Variants in DNAH12 observed in about 807,000 individuals in gnomAD.
DNAH12 encodes dynein axonemal heavy chain 12, also known as axonemal beta dynein heavy chain 12.
A neutral mutation model predicts 371.5 loss-of-function variants in DNAH12; 285 were observed. The ratio of observed to expected loss-of-function variants is 0.77; its 90% CI spans 0.70 to 0.85. The LOEUF is 0.85. Ranked by LOEUF, DNAH12 falls within the 40% of genes least tolerant of loss-of-function variation. The pLI, the probability that DNAH12 is intolerant of heterozygous loss-of-function variation, is 0.00. For missense variants in DNAH12, 3,611 were observed against 3,689.4 expected (o/e 0.98, Z 0.55); for synonymous variants, 1,200 against 1,213.0 (o/e 0.99, Z 0.22).
chr3:57,334,623 G>T lies in DNAH12; in HGVS notation c.9834-14C>A. ...CAAAAATGTTGCCTAATAGAAAAAA[G>T]CTTAAGAATTATTCTTTTTATTGGG... On this transcript the variant is annotated splice_polypyrimidine_tract_variant and intron_variant, in intron 61 of 73. Coordinates refer to ENST00000495027, the MANE Select transcript of DNAH12 (RefSeq NM_001366028.2). 2 of 1,528,154 alleles carry T rather than the reference G, an allele frequency of 1.3e-6. No homozygotes were observed. The highest frequency in any genetic ancestry group is 2.2e-5 in the Admixed American group (1 of 44,528). The allele number at this position is 1,528,154 out of a possible 1,614,324, so 94.7% of individuals were successfully genotyped here.
At chr3:57,310,441 C>T (rs965442040) in intron 67 of DNAH12, among the ~76,000 whole-genome samples, 1 of 152,124 alleles carries the variant, frequency 6.6e-6, no homozygotes, top group Non-Finnish European at 1.5e-5. Flanking sequence ...TTGGCAGGCC[C>T]CTGGCACTGA....
rs1364270885 is a variant in DNAH12 at position 57,470,459 on chromosome 3, GC to G, written c.2088del (p.Trp696CysfsTer36). ...YQKFFNFVLK[W>X]QRSEKRWMDG... ...AGCAATTACCGTTTTTCTGATCGCT[GC>G]CACTTCAAAACAAAATTAAAAAACT... is the stretch of plus-strand genomic sequence containing the variant. On this transcript the variant is annotated frameshift_variant, in exon 16 of 74. Transcript: ENST00000495027. LOFTEE classifies it high-confidence loss of function. The G allele has an allele frequency of 6.6e-7, 1 of 1,517,174 alleles. No homozygotes were observed. The highest frequency in any genetic ancestry group is 1.4e-5 in the African/African-American group (1 of 71,368). 94.0% of individuals were successfully genotyped at this position (1,517,174 alleles called of 1,614,324 possible).
At chr3:57,547,310 T>C (rs1026312672), upstream of DNAH12, among the ~76,000 whole-genome samples, 7 of 151,764 alleles carry the variant, frequency 4.6e-5, no homozygotes, top group Non-Finnish European at 8.8e-5. Context: ...TACGTCCTTT[T>C]TTTTTTTACT....
intron 66 of DNAH12, among the ~76,000 whole-genome samples, chr3:57,311,374 G>A (rs922549852): frequency 2.6e-5 from 4 of 152,208 alleles, no homozygotes; most frequent in Non-Finnish European, 5.9e-5. Context: ...ACTGCAGCTG[G>A]CTGATAGTAT....
chr3:57,332,452 A>AG (rs2062121064), intron 62 of DNAH12, among the ~76,000 whole-genome samples: 1 of 152,200 alleles, frequency 6.6e-6, no homozygotes, highest in African/African-American at 2.4e-5. Flanking sequence ...ATTTTTGCAC[A>AG]GGGGGCAATA....
intron 2 of DNAH12, among the ~76,000 whole-genome samples, chr3:57,535,939 T>C (rs1388925904): frequency 6.6e-6 from 1 of 151,546 alleles, no homozygotes; most frequent in Non-Finnish European, 1.5e-5. Context: ...CGGGTTCAAG[T>C]GATTCTCCTG....
intron 25 of DNAH12, among the ~76,000 whole-genome samples, chr3:57,449,192 C>T (rs1356876850): frequency 6.6e-6 from 1 of 151,722 alleles, no homozygotes; most frequent in African/African-American, 2.4e-5. Flanking sequence ...TTGAGCTAAA[C>T]ACAGGGTGCT....
chr3:57,471,991 G>A (rs2066382204), intron 14 of DNAH12, among the ~76,000 whole-genome samples: 1 of 152,076 alleles, frequency 6.6e-6, no homozygotes, highest in Non-Finnish European at 1.5e-5. Context: ...TCACGTTCAT[G>A]TTCACAAAAT....
intron 30 of DNAH12, among the ~76,000 whole-genome samples, chr3:57,435,323 G>T (rs1384980818): frequency 7.5e-6 from 1 of 132,524 alleles, no homozygotes; most frequent in Non-Finnish European, 1.5e-5. Flanking sequence ...AGTGAGCCAA[G>T]ATCTTGCCAC....
intron 55 of DNAH12, among the ~76,000 whole-genome samples, chr3:57,372,516 A>T (rs1046844919): frequency 2.0e-4 from 30 of 152,132 alleles, no homozygotes; most frequent in African/African-American, 6.8e-4. Context: ...AAGAGAATGT[A>T]TTATAGAATT....
At chr3:57,390,173 C>T (rs2063585218) in intron 45 of DNAH12, among the ~76,000 whole-genome samples, 1 of 146,886 alleles carries the variant, frequency 6.8e-6, no homozygotes, top group East Asian at 2.2e-4. Flanking sequence ...CACAATGGCT[C>T]GTGCCTATAA....
At chr3:57,302,688 G>C (rs1157578089) in intron 69 of DNAH12, among the ~76,000 whole-genome samples, 1 of 142,078 alleles carries the variant, frequency 7.0e-6, no homozygotes, top group Non-Finnish European at 1.5e-5. Flanking sequence ...CAATTCTCCT[G>C]CCTCAGCCTC....
At chr3:57,378,229 A>C (rs2063321522) in intron 52 of DNAH12, among the ~76,000 whole-genome samples, 1 of 152,060 alleles carries the variant, frequency 6.6e-6, no homozygotes, top group South Asian at 2.1e-4. Context: ...AAAAAGCCTG[A>C]GTGCCTTGGC....
Position 57,301,923 on chromosome 3 carries a change from GTA to G in DNAH12, c.11204_11205del (p.Ile3735ThrfsTer2), listed in dbSNP as rs1559534539. On this transcript the variant is annotated frameshift_variant, in exon 70 of 74. Coordinates refer to ENST00000495027, the MANE Select transcript of DNAH12 (RefSeq NM_001366028.2). LOFTEE classifies it high-confidence loss of function. The stretch of plus-strand genomic sequence containing the variant: ...TTTTCAAGGTCCCGTAGAGTGTTAC[GTA>G]TAGTTATAATTAAACTGCAATGAAA... ...MERFNNLIIT[I>X]RNTLRDLEKA... 1 of 1,551,408 alleles carries G rather than the reference GTA, an allele frequency of 6.4e-7. No homozygotes were observed. Among genetic ancestry groups the G allele is most frequent in the South Asian group, 1.2e-5 (1 of 84,040 alleles).
At chr3:57,544,004 G>T (rs1190118782) in intron 1 of DNAH12, among the ~76,000 whole-genome samples, 193 bp downstream of exon 1, 3 of 152,122 alleles carry the variant, frequency 2.0e-5, no homozygotes, top group African/African-American at 7.2e-5. Flanking sequence ...CTGAGATCCC[G>T]CTACCGCACT....
chr3:57,458,545 C>T (rs2065965771), intron 20 of DNAH12, among the ~76,000 whole-genome samples: 1 of 152,142 alleles, frequency 6.6e-6, no homozygotes, highest in Admixed American at 6.5e-5. Context: ...TTACTACTGT[C>T]AACCATAAAT....
Position 57,420,840 on chromosome 3 carries a change from C to T in DNAH12, c.5562+678G>A, listed in dbSNP as rs144992338. Reference sequence around the variant, plus strand: ...AGGACAATGGCTTGAACCCAGGAGGCGGAGCTTGCAGTGAGCCGAGATTGC... The same window carrying T: ...AGGACAATGGCTTGAACCCAGGAGGTGGAGCTTGCAGTGAGCCGAGATTGC... On this transcript the variant is annotated intron_variant, in intron 36 of 73. Transcript: ENST00000495027. 3.6e-5 allele frequency among the ~76,000 whole-genome samples: 5 copies of T among 137,672 alleles called. No homozygotes were observed. The East Asian group carries it at 1.1e-3, about 30-fold the overall frequency. The allele number at this position is 137,672 out of a possible 152,430, so 90.3% of individuals were successfully genotyped here. A position where few individuals can be genotyped will look rare whatever the true frequency, so the allele number is the denominator to read the frequency against.
chr3:57,507,830 C>A lies in DNAH12; in HGVS notation c.710G>T (p.Gly237Val). 6.4e-7 allele frequency: 1 copy of A among 1,572,416 alleles called. No individual in the cohort carries two copies. The highest frequency in any genetic ancestry group is 8.6e-7 in the Non-Finnish European group (1 of 1,169,348). ...LLDFTGIRAK[G>V]PIDCESLKTD... ...TTTCAGTGATTCACAGTCAATTGGA[C>A]CTTTAGCTCTATTTATGAGAAAAAG... Residue 237 changes from glycine to valine, a missense_variant, in exon 8 of 74, where the codon GGT becomes GTT. Coordinates refer to ENST00000495027, the MANE Select transcript of DNAH12 (RefSeq NM_001366028.2).
intron 38 of DNAH12, among the ~76,000 whole-genome samples, chr3:57,414,298 C>A (rs1017224061): frequency 6.6e-6 from 1 of 152,180 alleles, no homozygotes; most frequent in African/African-American, 2.4e-5. Flanking sequence ...CATGTTTCTA[C>A]AACATTTCTA....
Sources: gnomAD v4.1 joint callset for allele counts (sites outside exome capture counted in the v4.1 genomes callset) on GRCh38, gnomAD v4.1.1 for gene constraint, MANE v1.5 for transcripts, NCBI Gene and HGNC (gene_info 2026-07-23, HGNC 2026-07-21) for gene names.